The following MAP4K4 variants were observed in gnomAD, a reference collection of about 807,000 sequenced individuals.
MAP4K4 encodes HPK/GCK-like kinase HGK.
In MAP4K4, 38 loss-of-function variants were observed where a neutral mutation model predicts 189.6. The ratio of observed to expected loss-of-function variants is 0.20; its 90% CI spans 0.15 to 0.26. The LOEUF (loss-of-function observed/expected upper bound fraction) is 0.26, where lower values mean the gene tolerates loss of function less well. MAP4K4 is among the 10% of genes least tolerant of loss of function. The pLI is 1.00. For missense variants in MAP4K4, 1,054 were observed against 1,726.9 expected, an observed-to-expected ratio of 0.61 and a Z score of 6.91; for synonymous variants, 610 against 624.3, an observed-to-expected ratio of 0.98 and a Z score of 0.34.
chr2:101,815,784 A>G (rs2095674191), intron 3 of MAP4K4, among the ~76,000 whole-genome samples: 1 of 152,180 alleles, frequency 6.6e-6, no homozygotes, highest in African/African-American at 2.4e-5. Flanking sequence ...AGTCCTGTGA[A>G]TGACGAGTTT....
intron 3 of MAP4K4, among the ~76,000 whole-genome samples, chr2:101,808,785 T>A (rs182392072): frequency 2.8e-4 from 43 of 152,096 alleles, no homozygotes; most frequent in African/African-American, 8.9e-4. Flanking sequence ...TAATGTATAT[T>A]TTTTTAGTTT....
intron 2 of MAP4K4, among the ~76,000 whole-genome samples, chr2:101,737,461 ATTTTTTTTTT>A (rs1173208424): frequency 1.9e-4 from 5 of 26,004 alleles, no homozygotes; most frequent in Admixed American, 8.2e-4. Context: ...ATATATATAT[ATTTTTTTTTT>A]TTTTTTTTTT....
chr2:101,813,824 A>G (rs2095569695), intron 3 of MAP4K4, among the ~76,000 whole-genome samples: 1 of 152,188 alleles, frequency 6.6e-6, no homozygotes, highest in African/African-American at 2.4e-5. Flanking sequence ...GGTTTGAGTA[A>G]CTAGTATAAT....
At chr2:101,756,934 G>C (rs956160510) in intron 2 of MAP4K4, among the ~76,000 whole-genome samples, 1 of 151,960 alleles carries the variant, frequency 6.6e-6, no homozygotes, top group Admixed American at 6.6e-5. Flanking sequence ...GCTATGAAAA[G>C]GTTTCACCTG....
chr2:101,791,862 G>A (rs1249338215), intron 3 of MAP4K4, among the ~76,000 whole-genome samples: 3 of 152,116 alleles, frequency 2.0e-5, no homozygotes, highest in Non-Finnish European at 2.9e-5. Context: ...TTTATGAGGT[G>A]ACCACTCTCT....
At chr2:101,805,514 T>TA (rs1308068244) in intron 3 of MAP4K4, among the ~76,000 whole-genome samples, 2 of 152,122 alleles carry the variant, frequency 1.3e-5, no homozygotes, top group African/African-American at 4.8e-5. Context: ...CTGCCGTTGA[T>TA]ATAATACTGG....
At chr2:101,844,734 T>C (rs1321752561) in intron 12 of MAP4K4, among the ~76,000 whole-genome samples, 2 of 152,160 alleles carry the variant, frequency 1.3e-5, no homozygotes, top group African/African-American at 4.8e-5. Flanking sequence ...CTTCAGACTT[T>C]TTCACATGAA....
intron 12 of MAP4K4, among the ~76,000 whole-genome samples, chr2:101,844,851 C>G (rs964207253): frequency 1.3e-5 from 2 of 151,878 alleles, no homozygotes; most frequent in African/African-American, 4.8e-5. Flanking sequence ...GACGGGTTGA[C>G]AGGTGCAGCA....
intron 7 of MAP4K4, 22 bp from the exon 8 acceptor site, chr2:101,834,387 A>G (rs2096682879): frequency 6.3e-7 from 1 of 1,581,448 alleles, no homozygotes; most frequent in Non-Finnish European, 8.6e-7. Flanking sequence ...AGTATCTGTA[A>G]CGTACTGTTT....
intron 3 of MAP4K4, among the ~76,000 whole-genome samples, chr2:101,798,026 C>T (rs1017795819): frequency 6.6e-6 from 1 of 150,554 alleles, no homozygotes; most frequent in Non-Finnish European, 1.5e-5. Flanking sequence ...TCAAATGATC[C>T]CCCCCATCTC....
chr2:101,873,965 C>A, intron 25 of MAP4K4, 117 bp from the exon 26 acceptor site: 2 of 938,484 alleles, frequency 2.1e-6, no homozygotes, highest in Non-Finnish European at 3.2e-6. Flanking sequence ...CAGATTTCTT[C>A]TCTTTGACAA....
intron 3 of MAP4K4, among the ~76,000 whole-genome samples, chr2:101,821,391 A>G (rs1407759210): frequency 6.6e-6 from 1 of 152,210 alleles, no homozygotes; most frequent in African/African-American, 2.4e-5. Flanking sequence ...GTAAACCTAG[A>G]TGGTACACAT....
At chr2:101,723,587 A>G (rs2053508437) in intron 2 of MAP4K4, among the ~76,000 whole-genome samples, 1 of 152,234 alleles carries the variant, frequency 6.6e-6, no homozygotes, top group African/African-American at 2.4e-5. Context: ...CTCCTGGGCC[A>G]GAATCCAGGT....
intron 12 of MAP4K4, among the ~76,000 whole-genome samples, chr2:101,847,070 A>G (rs1001994193): frequency 6.6e-5 from 10 of 152,302 alleles, no homozygotes; most frequent in African/African-American, 2.2e-4. Flanking sequence ...AACTGAGTAC[A>G]TGTATGATGG....
chr2:101,790,889 C>T (rs1558940403), intron 3 of MAP4K4, 113 bp downstream of exon 3: 1 of 921,002 alleles, frequency 1.1e-6, no homozygotes, highest in Middle Eastern at 2.2e-4. Context: ...ACAAATTGCC[C>T]TCCTGTGACA....
intron 2 of MAP4K4, among the ~76,000 whole-genome samples, chr2:101,738,159 T>C (rs2061244341): frequency 6.6e-6 from 1 of 152,202 alleles, no homozygotes; most frequent in African/African-American, 2.4e-5. Context: ...AGAAAGCCCC[T>C]TGTACTTTTT....
exon 17 of MAP4K4, chr2:101,863,910 ACAC>A: frequency 7.3e-7 from 1 of 1,367,558 alleles, no homozygotes; most frequent in Non-Finnish European, 9.8e-7. Context: ...CCAAATTTGC[ACAC>A]CACCATCTTC....
intron 3 of MAP4K4, among the ~76,000 whole-genome samples, chr2:101,809,825 T>G (rs573897204): frequency 6.6e-6 from 1 of 152,356 alleles, no homozygotes; most frequent in South Asian, 2.1e-4. Context: ...CTGTGCAATT[T>G]TTGTGTGTGC....
intron 27 of MAP4K4, among the ~76,000 whole-genome samples, chr2:101,879,753 C>T (rs753841117): frequency 2.0e-5 from 3 of 151,458 alleles, no homozygotes; most frequent in Non-Finnish European, 4.4e-5. Context: ...AGACTTTGAA[C>T]ATGTTAGGTT....
Sources: allele counts gnomAD v4.1 joint callset (sites outside exome capture counted in the v4.1 genomes callset), GRCh38; gene constraint gnomAD v4.1.1; transcripts MANE v1.5; gene names NCBI Gene and HGNC (gene_info 2026-07-23, HGNC 2026-07-21).